Variants in PARP8 observed in about 807,000 individuals in gnomAD.
PARP8 encodes protein mono-ADP-ribosyltransferase PARP8.
PARP8 carries 51 observed loss-of-function variants against 124.1 expected under a neutral mutation model. That is an observed-to-expected ratio of 0.41 (90% confidence interval 0.33 to 0.52). The LOEUF is 0.52. Among genes scored for constraint, PARP8 ranks in the 20% least tolerant of loss-of-function variants. The probability of loss-of-function intolerance (pLI) is 0.21; values close to 1 mark genes in which losing one functional copy is unlikely to be tolerated. For missense variants in PARP8, 860 were observed against 1,018.9 expected, an observed-to-expected ratio of 0.84 and a Z score of 2.12; for synonymous variants, 391 against 361.5, an observed-to-expected ratio of 1.08 and a Z score of -0.93.
intron 14 of PARP8, among the ~76,000 whole-genome samples, chr5:50,810,530 A>G (rs1305106414): frequency 1.3e-5 from 2 of 152,030 alleles, no homozygotes; most frequent in African/African-American, 2.4e-5. Context: ...CTAGCCCACA[A>G]TATAACTACT....
chr5:50,721,969 G>T (rs1480238575), intron 2 of PARP8, among the ~76,000 whole-genome samples: 1 of 151,772 alleles, frequency 6.6e-6, no homozygotes, highest in African/African-American at 2.4e-5. Context: ...TAAAAATGTC[G>T]TAGCTTTGTA....
chr5:50,805,106 A>G (rs2149672064), intron 14 of PARP8, among the ~76,000 whole-genome samples: 1 of 152,274 alleles, frequency 6.6e-6, no homozygotes, highest in East Asian at 1.9e-4. Context: ...TAAAGATTTT[A>G]TAGAGAGGTG....
At chr5:50,698,397 A>G (rs749363391) in intron 2 of PARP8, among the ~76,000 whole-genome samples, 10 of 152,324 alleles carry the variant, frequency 6.6e-5, no homozygotes, top group Non-Finnish European at 1.5e-4. Context: ...TATGAATATT[A>G]TAATTGAAAT....
In PARP8 at chr5:50,827,166, G is replaced by A. The variant is rs185374655; in HGVS notation, c.1977+363G>A. On this transcript the variant is annotated intron_variant, in intron 19 of 25. Coordinates refer to ENST00000281631, the MANE Select transcript of PARP8 (RefSeq NM_024615.4). ...CACATTTCCACTTTTCTACAGCTGA[G>A]AAGCTATTGACCTCAGACAACTTAT... is the stretch of plus-strand genomic sequence containing the variant. Among the ~76,000 whole-genome samples the A allele has an allele frequency of 1.7e-3, 254 of 152,108 alleles. 1 individual carries two copies. The highest frequency in any genetic ancestry group is 3.3e-3 in the Non-Finnish European group (223 of 67,936).
At chr5:50,798,424 G>GTT (rs748058229) in intron 14 of PARP8, among the ~76,000 whole-genome samples, 276 of 135,954 alleles carry the variant, frequency 2.0e-3, no homozygotes, top group African/African-American at 6.5e-3. Context: ...TATTTTTTTT[G>GTT]TTTTTTTTTT....
intron 7 of PARP8, among the ~76,000 whole-genome samples, chr5:50,773,276 CTA>C (rs1481086582): frequency 3.3e-5 from 5 of 152,300 alleles, no homozygotes; most frequent in African/African-American, 1.2e-4. Context: ...AGCATTTCCC[CTA>C]TGTTTTCTTC....
chr5:50,844,985 CT>C lies in PARP8; in HGVS notation c.*2918del, dbSNP rs1748509435. On this transcript the variant is annotated 3_prime_UTR_variant, in exon 26 of 26. Coordinates refer to ENST00000281631, the MANE Select transcript of PARP8 (RefSeq NM_024615.4). ...TCTCAGTCATACGTTTGGTTTGAAG[CT>C]GTTTTTTTTTTTAATTTGAAGTTTA... The C allele has an allele frequency of 6.7e-6, 1 of 148,872 alleles. No homozygotes were observed. Among genetic ancestry groups the C allele is most frequent in the East Asian group, 1.9e-4 (1 of 5,134 alleles). 9.2% of individuals were successfully genotyped at this position (148,872 alleles called of 1,614,324 possible).
At chr5:50,812,197 AC>A (rs1270651447) in intron 14 of PARP8, among the ~76,000 whole-genome samples, 1 of 152,156 alleles carries the variant, frequency 6.6e-6, no homozygotes, top group African/African-American at 2.4e-5. Context: ...AAACTAGTTT[AC>A]ACTCCCACCA....
intron 3 of PARP8, among the ~76,000 whole-genome samples, chr5:50,753,614 A>G (rs925646642): frequency 8.5e-5 from 13 of 152,108 alleles, no homozygotes; most frequent in African/African-American, 2.9e-4. Context: ...TTAGTTAATT[A>G]ATAGTATTTA....
intron 2 of PARP8, among the ~76,000 whole-genome samples, chr5:50,707,128 A>C (rs749570126): frequency 1.3e-5 from 2 of 152,078 alleles, no homozygotes; most frequent in Non-Finnish European, 2.9e-5. Context: ...TTGTACACAT[A>C]AGAACATTTA....
intron 25 of PARP8, among the ~76,000 whole-genome samples, chr5:50,840,973 C>A (rs1273689293): frequency 1.3e-4 from 19 of 151,928 alleles, no homozygotes; most frequent in African/African-American, 4.6e-4. Context: ...AGACTTGGTA[C>A]AAATGCAGTT....
intron 15 of PARP8, among the ~76,000 whole-genome samples, chr5:50,817,967 A>G (rs542833721): frequency 5.9e-5 from 9 of 152,058 alleles, no homozygotes; most frequent in Non-Finnish European, 1.2e-4. Context: ...CAAATGTCCT[A>G]ATTTTTCTTG....
chr5:50,741,866 A>C, intron 2 of PARP8: 3 of 441,338 alleles, frequency 6.8e-6, no homozygotes, highest in Non-Finnish European at 1.3e-5. Flanking sequence ...GCCGGGTGCA[A>C]TAGCGCGATC....
chr5:50,669,182 C>G (rs1749715846), intron 2 of PARP8: 1 of 152,108 alleles, frequency 6.6e-6, no homozygotes, highest in African/African-American at 2.4e-5. Context: ...CATTGATTTA[C>G]TAGTTGAAAA....
intron 2 of PARP8, among the ~76,000 whole-genome samples, chr5:50,673,205 G>C (rs1420087628): frequency 6.6e-6 from 1 of 152,284 alleles, no homozygotes; most frequent in African/African-American, 2.4e-5. Context: ...GAATGAGTTA[G>C]TGAGAATCTG....
intron 3 of PARP8, chr5:50,757,315 A>G (rs1015299981): frequency 3.3e-6 from 1 of 300,092 alleles, no homozygotes; most frequent in Non-Finnish European, 6.9e-6. Context: ...TTAGTAATCA[A>G]AAATCTTCCA....
chr5:50,799,068 AT>A (rs1376302316), intron 14 of PARP8, among the ~76,000 whole-genome samples: 1 of 152,010 alleles, frequency 6.6e-6, no homozygotes, highest in Non-Finnish European at 1.5e-5. Flanking sequence ...CAAGTTTTTA[AT>A]TTTGATGAAG....
At chr5:50,783,606 C>T (rs887811767) in intron 9 of PARP8, among the ~76,000 whole-genome samples, 3 of 152,056 alleles carry the variant, frequency 2.0e-5, no homozygotes, top group Non-Finnish European at 4.4e-5. Flanking sequence ...TAGTGATGGC[C>T]ACCTACATTG....
intron 2 of PARP8, among the ~76,000 whole-genome samples, chr5:50,679,018 CAT>C (rs1376007685): frequency 6.6e-6 from 1 of 152,104 alleles, no homozygotes; most frequent in African/African-American, 2.4e-5. Flanking sequence ...TTATTTGTAA[CAT>C]GTACTATTAT....
Sources: allele counts gnomAD v4.1 joint callset (sites outside exome capture counted in the v4.1 genomes callset), GRCh38; gene constraint gnomAD v4.1.1; transcripts MANE v1.5; gene names NCBI Gene and HGNC (gene_info 2026-07-23, HGNC 2026-07-21).